Variants in UBE2D2 observed in about 807,000 individuals in gnomAD.
UBE2D2 encodes the protein ubiquitin conjugating enzyme E2 D2.
UBE2D2 carries 2 observed loss-of-function variants against 24.2 expected under a neutral mutation model. The observed-to-expected ratio is 0.08, with a 90% CI of 0.03 to 0.26. The LOEUF (loss-of-function observed/expected upper bound fraction) is 0.26, where lower values mean the gene tolerates loss of function less well. Among genes scored for constraint, UBE2D2 ranks in the 10% least tolerant of loss-of-function variants. UBE2D2 has a pLI of 1.00. For synonymous variants in UBE2D2, 58 were observed against 56.5 expected, an observed-to-expected ratio of 1.03 and a Z score of -0.12; for missense variants, 44 against 177.6, an observed-to-expected ratio of 0.25 and a Z score of 4.28.
chr5:139,583,695 G>A (rs532356558), intron 1 of UBE2D2, among the ~76,000 whole-genome samples: 215 of 152,304 alleles, frequency 1.4e-3, no homozygotes, highest in African/African-American at 5.1e-3. Flanking sequence ...CCAGGAAGTG[G>A]AGGTTGCAGT....
At chr5:139,548,058 G>A (rs1187339975) in intron 1 of UBE2D2, among the ~76,000 whole-genome samples, 1 of 150,344 alleles carries the variant, frequency 6.7e-6, no homozygotes, top group Admixed American at 6.7e-5. Context: ...TAGCACTTTA[G>A]GAGGCTGAAG....
At chr5:139,618,716 C>T (rs1041365377) in intron 5 of UBE2D2, among the ~76,000 whole-genome samples, 10 of 152,080 alleles carry the variant, frequency 6.6e-5, no homozygotes, top group Non-Finnish European at 1.2e-4. Flanking sequence ...AGGACTGTTA[C>T]AAGTCTGATT....
intron 1 of UBE2D2, among the ~76,000 whole-genome samples, chr5:139,577,436 G>A (rs1581504100): frequency 7.2e-6 from 1 of 139,156 alleles, no homozygotes; most frequent in South Asian, 2.4e-4. Context: ...TTTTGAGATG[G>A]GAGTTTCACT....
chr5:139,593,517 G>A (rs575808751), intron 1 of UBE2D2, among the ~76,000 whole-genome samples: 6 of 151,636 alleles, frequency 4.0e-5, no homozygotes, highest in Admixed American at 2.6e-4. Flanking sequence ...ATGTAACAAT[G>A]TATACATTGT....
chr5:139,605,800 G>A (rs1289527961), intron 2 of UBE2D2, among the ~76,000 whole-genome samples: 2 of 150,770 alleles, frequency 1.3e-5, no homozygotes, highest in African/African-American at 4.9e-5. Context: ...GTGCAGTGGC[G>A]CGATTGCAGC....
intron 5 of UBE2D2, among the ~76,000 whole-genome samples, chr5:139,618,350 A>G (rs1479719397): frequency 6.6e-6 from 1 of 152,230 alleles, no homozygotes; most frequent in Non-Finnish European, 1.5e-5. Flanking sequence ...AGAAATAAAA[A>G]CAGGATGCCA....
At chr5:139,625,373 C>A (rs1471707896) in intron 6 of UBE2D2, among the ~76,000 whole-genome samples, 2 of 149,394 alleles carry the variant, frequency 1.3e-5, no homozygotes, top group African/African-American at 2.5e-5. Flanking sequence ...CCTCAGCCCC[C>A]CAAAGTGCTG....
chr5:139,550,533 T>C (rs568204015), intron 1 of UBE2D2, among the ~76,000 whole-genome samples: 7 of 152,262 alleles, frequency 4.6e-5, no homozygotes, highest in East Asian at 1.9e-4. Context: ...CCTGCGCTAG[T>C]AGTGGCAACT....
intron 1 of UBE2D2, among the ~76,000 whole-genome samples, chr5:139,531,625 C>CAAAAAAAAAAAAAAAA (rs112323447): frequency 2.1e-5 from 2 of 97,346 alleles, no homozygotes; most frequent in African/African-American, 3.9e-5. Context: ...AGACCCTATC[C>CAAAAAAAAAAAAAAAA]AAAAAAAAAA....
chr5:139,589,737 AC>A (rs1488108177), intron 1 of UBE2D2, among the ~76,000 whole-genome samples: 1 of 152,194 alleles, frequency 6.6e-6, no homozygotes, highest in Non-Finnish European at 1.5e-5. Flanking sequence ...GTTGTATGAA[AC>A]ATTAACTATA....
chr5:139,599,744 A>G (rs917879631), intron 1 of UBE2D2, among the ~76,000 whole-genome samples: 11 of 152,034 alleles, frequency 7.2e-5, no homozygotes, highest in African/African-American at 2.4e-4. Flanking sequence ...CTCAAAAAAC[A>G]AACAACAAAC....
chr5:139,554,462 C>A (rs531786161), intron 1 of UBE2D2, among the ~76,000 whole-genome samples: 1 of 152,270 alleles, frequency 6.6e-6, no homozygotes, highest in African/African-American at 2.4e-5. Context: ...TTTTGTTTTG[C>A]TTATCATTTT....
At chr5:139,527,861 C>T (rs1752559069) in intron 1 of UBE2D2, among the ~76,000 whole-genome samples, 1 of 152,168 alleles carries the variant, frequency 6.6e-6, no homozygotes, top group African/African-American at 2.4e-5. Context: ...TCAAATATTC[C>T]ATCTGCACAT....
At chr5:139,544,188 G>A (rs1249298365) in intron 1 of UBE2D2, among the ~76,000 whole-genome samples, 1 of 140,594 alleles carries the variant, frequency 7.1e-6, no homozygotes, top group Non-Finnish European at 1.5e-5. Flanking sequence ...TTTTTTAATA[G>A]AGATGAGGTC....
At chr5:139,545,795 C>T (rs1402280010) in intron 1 of UBE2D2, among the ~76,000 whole-genome samples, 1 of 151,534 alleles carries the variant, frequency 6.6e-6, no homozygotes, top group Non-Finnish European at 1.5e-5. Flanking sequence ...GTGATCTCTG[C>T]TCACTGTAAC....
intron 1 of UBE2D2, among the ~76,000 whole-genome samples, chr5:139,593,288 C>T (rs1753885334): frequency 6.6e-6 from 1 of 152,084 alleles, no homozygotes; most frequent in Admixed American, 6.6e-5. Flanking sequence ...GCCACTGCAC[C>T]TGGCCGATTC....
upstream of UBE2D2, among the ~76,000 whole-genome samples, chr5:139,557,563 C>T (rs1752999309): frequency 6.6e-6 from 1 of 152,162 alleles, no homozygotes; most frequent in East Asian, 1.9e-4. Flanking sequence ...GCCTGGCCTA[C>T]ATGGTGAAAC....
At chr5:139,620,015 G>C (rs1254427276) in intron 5 of UBE2D2, among the ~76,000 whole-genome samples, 1 of 152,180 alleles carries the variant, frequency 6.6e-6, no homozygotes, top group Admixed American at 6.5e-5. Context: ...AGGACCAAGA[G>C]AGAGATGGGG....
At chr5:139,557,462 T>C (rs898776863), upstream of UBE2D2, among the ~76,000 whole-genome samples, 7 of 151,944 alleles carry the variant, frequency 4.6e-5, no homozygotes, top group African/African-American at 1.7e-4. Context: ...TAAATCAATA[T>C]CCCAGCTGGA....
Sources: gnomAD v4.1 joint callset for allele counts (sites outside exome capture counted in the v4.1 genomes callset) on GRCh38, gnomAD v4.1.1 for gene constraint, MANE v1.5 for transcripts, NCBI Gene and HGNC (gene_info 2026-07-23, HGNC 2026-07-21) for gene names.